Variants in LRIG2 observed in about 807,000 individuals in gnomAD.
LRIG2 encodes the protein leucine rich repeats and immunoglobulin like domains 2.
LRIG2 carries 93 observed loss-of-function variants against 107.8 expected under a neutral mutation model. That is an observed-to-expected ratio of 0.86 (90% CI 0.73 to 1.03). The LOEUF is 1.03. Ranked by LOEUF, LRIG2 falls within the 50% of genes least tolerant of loss-of-function variation. The pLI is 0.00. For synonymous variants in LRIG2, 471 were observed against 470.6 expected, an observed-to-expected ratio of 1.00 and a Z score of -0.01; for missense variants, 1,226 against 1,296.0, an observed-to-expected ratio of 0.95 and a Z score of 0.83.
At chr1:113,074,183 TTCA>T (rs1162236737) in intron 1 of LRIG2, among the ~76,000 whole-genome samples, 1 of 152,192 alleles carries the variant, frequency 6.6e-6, no homozygotes, top group Non-Finnish European at 1.5e-5. Flanking sequence ...GGTTGAAAAG[TTCA>T]TTATGATGAA....
intron 4 of LRIG2, 140 bp from the exon 5 acceptor site, chr1:113,094,199 C>A: frequency 1.8e-6 from 1 of 562,716 alleles, no homozygotes; most frequent in Non-Finnish European, 3.1e-6. Context: ...AGAAACAGAG[C>A]AGTTAAATGA....
rs1201079822 is a variant in LRIG2, at chr1:113,095,997, C to T, written c.927C>T (p.Phe309=). The change falls in exon 7 of 18, where the codon TTC becomes TTT. Residue 309 remains phenylalanine, a synonymous_variant. Transcript: ENST00000361127. The part of the protein sequence containing the change: ...IERISPDAWE[F]CQRLSELDLS... ...GAATCAGCCCTGATGCATGGGAGTTCTGCCAAAGACTATCCGAACTGTAAG... is the reference window on the plus strand; with the variant it reads ...GAATCAGCCCTGATGCATGGGAGTTTTGCCAAAGACTATCCGAACTGTAAG... The T allele has an allele frequency of 1.2e-6, 2 of 1,614,200 alleles. No homozygotes were observed. The highest frequency in any genetic ancestry group is 2.2e-5 in the South Asian group (2 of 91,080).
chr1:113,093,423 T>C lies in LRIG2; in HGVS notation c.381-7T>C. On this transcript the variant is annotated splice_polypyrimidine_tract_variant and splice_region_variant and intron_variant, in intron 3 of 17. Coordinates refer to ENST00000361127, the MANE Select transcript of LRIG2 (RefSeq NM_014813.3). ...GCAGCAGCTTCATTATAATCTTTGTTTTACAGAGTCCATAATATAATCCCA... is the reference window on the plus strand; with the variant it reads ...GCAGCAGCTTCATTATAATCTTTGTCTTACAGAGTCCATAATATAATCCCA... The C allele has an allele frequency of 1.2e-6, 2 of 1,613,620 alleles. No individual in the cohort carries two copies. The highest frequency in any genetic ancestry group is 1.7e-6 in the Non-Finnish European group (2 of 1,179,804).
intron 1 of LRIG2, among the ~76,000 whole-genome samples, chr1:113,085,985 A>G (rs1005191595): frequency 1.3e-5 from 2 of 149,444 alleles, no homozygotes; most frequent in Non-Finnish European, 3.0e-5. Flanking sequence ...AATTGATTAT[A>G]ATGGTAACCC....
At chr1:113,113,064 G>GT (rs1377178014) in intron 14 of LRIG2, among the ~76,000 whole-genome samples, 7 of 152,008 alleles carry the variant, frequency 4.6e-5, no homozygotes, top group African/African-American at 1.7e-4. Flanking sequence ...ATGTAGGTGT[G>GT]TTTACTATTC....
Position 113,094,714 on chromosome 1 carries a change from T to G in LRIG2, c.762T>G (p.Leu254=), listed in dbSNP as rs763618776. 3.1e-6 allele frequency: 5 copies of G among 1,613,888 alleles called. No homozygotes were observed. In the East Asian group the frequency reaches 1.1e-4, roughly 36 times the overall value. ...LKMQRNGISK[L]KDGAFFGLNN... ...TGCAGCGGAATGGAATTAGCAAACT[T>G]AAGGATGGAGCATTTTTTGGCTTGA... Residue 254 remains leucine, a synonymous_variant, in exon 6 of 18, where the codon CTT becomes CTG. Transcript: ENST00000361127.
At chr1:113,088,546 G>C (rs1653657028) in intron 1 of LRIG2, among the ~76,000 whole-genome samples, 1 of 152,144 alleles carries the variant, frequency 6.6e-6, no homozygotes, top group South Asian at 2.1e-4. Flanking sequence ...GGAAGATTTA[G>C]GGTTGGGAAA....
In LRIG2 at chr1:113,119,523, G is replaced by A; in HGVS notation, c.2971G>A (p.Glu991Lys). 6.2e-7 allele frequency: 1 copy of A among 1,611,556 alleles called. No homozygotes were observed. The highest frequency in any genetic ancestry group is 8.5e-7 in the Non-Finnish European group (1 of 1,178,890). The change falls in exon 17 of 18, where the codon GAA (glutamate) becomes AAA (lysine). Residue 991 changes from glutamate to lysine, a missense_variant and splice_region_variant. By Grantham distance (56) the Glu-to-Lys change is moderately conservative. Coordinates refer to ENST00000361127, the MANE Select transcript of LRIG2 (RefSeq NM_014813.3). Reference protein sequence around the residue: ...KKLPSTQMSGETLQRPVWNIN... With the variant: ...KKLPSTQMSGKTLQRPVWNIN... ...ACTTCCCTCCACACAGATGAGCGGT[G>A]GTAAGGGATGTATTTTTGTTGTTAT... is the stretch of plus-strand genomic sequence containing the variant.
rs554385336 is a variant in LRIG2, at chr1:113,093,664, C to T, written c.515+100C>T. 172 of 673,744 alleles carry T rather than the reference C, an allele frequency of 2.6e-4. No individual in the cohort carries two copies. In the African/African-American group the frequency reaches 2.8e-3, roughly 11 times the overall value. The allele number at this position is 673,744 out of a possible 1,614,324, so 41.7% of individuals were successfully genotyped here. A position where few individuals can be genotyped will look rare whatever the true frequency, so the allele number is the denominator to read the frequency against. ...GGCAGGGATAGCACTGGGAGATATA[C>T]CTAATGCTAGATGACGAGTTAGTGG... On this transcript the variant is annotated intron_variant, in intron 4 of 17. Coordinates refer to ENST00000361127, the MANE Select transcript of LRIG2 (RefSeq NM_014813.3).
Position 113,093,603 on chromosome 1 carries a change from C to T in LRIG2, c.515+39C>T, listed in dbSNP as rs370015127. ...ATTAAATTAGATTTACTTTAAAGCA[C>T]ATGTTTATGGGGACTGTTGTGGGGT... On this transcript the variant is annotated intron_variant, in intron 4 of 17. Transcript: ENST00000361127. 4 of 1,225,864 alleles carry T rather than the reference C, an allele frequency of 3.3e-6. No individual in the cohort carries two copies. The African/African-American group carries it at 7.2e-5, about 22-fold the overall frequency. 75.9% of individuals were successfully genotyped at this position (1,225,864 alleles called of 1,614,324 possible).
At chr1:113,090,999 G>T (rs146568293) in intron 1 of LRIG2, among the ~76,000 whole-genome samples, 2 of 151,682 alleles carry the variant, frequency 1.3e-5, no homozygotes, top group Non-Finnish European at 2.9e-5. Context: ...TTACAGGCGT[G>T]TGCCACCACA....
At chr1:113,113,632 G>A (rs766735395) in intron 14 of LRIG2, among the ~76,000 whole-genome samples, 4 of 151,180 alleles carry the variant, frequency 2.6e-5, no homozygotes, top group Non-Finnish European at 5.9e-5. Flanking sequence ...GCGCAATCTC[G>A]GCTCAGAGCA....
In LRIG2 at chr1:113,095,884, CACA is replaced by C; in HGVS notation, c.820_822del (p.Asn274del). The C allele has an allele frequency of 2.5e-6, 4 of 1,614,196 alleles. No individual in the cohort carries two copies. Among genetic ancestry groups the C allele is most frequent in the Non-Finnish European group, 2.5e-6 (3 of 1,180,038 alleles). On this transcript the variant is annotated inframe_deletion, in exon 7 of 18. Coordinates refer to ENST00000361127, the MANE Select transcript of LRIG2 (RefSeq NM_014813.3). The stretch of plus-strand genomic sequence containing the variant: ...TCTCTAATTCTGCAGAGAACTGGAA[CACA>C]ACAACCTTACACGAGTAAACAAGGG...
intron 14 of LRIG2, among the ~76,000 whole-genome samples, chr1:113,113,666 G>GATTC (rs551996891): frequency 3.8e-3 from 583 of 151,834 alleles, no homozygotes; most frequent in Non-Finnish European, 6.7e-3. Flanking sequence ...GGGTTCAAGT[G>GATTC]ATTCTCCTGC....
chr1:113,091,640 G>A (rs932813989), intron 2 of LRIG2, among the ~76,000 whole-genome samples: 4 of 152,162 alleles, frequency 2.6e-5, no homozygotes, highest in Admixed American at 6.5e-5. Flanking sequence ...TAAGATTTAC[G>A]CCTCTTCAGA....
At chr1:113,119,106 C>T in intron 16 of LRIG2, 127 bp from the exon 17 acceptor site, 1 of 808,092 alleles carries the variant, frequency 1.2e-6, no homozygotes, top group South Asian at 1.8e-5. Flanking sequence ...TGAAACTTCA[C>T]CTACTTTATA....
At chr1:113,100,591 G>C (rs1457033015) in intron 11 of LRIG2, 103 bp downstream of exon 11, 2 of 637,610 alleles carry the variant, frequency 3.1e-6, no homozygotes, top group Non-Finnish European at 5.6e-6. Context: ...AAAGCACACA[G>C]TTCAGGCAGG....
intron 17 of LRIG2, among the ~76,000 whole-genome samples, chr1:113,121,291 T>G (rs1655243485): frequency 6.6e-6 from 1 of 152,226 alleles, no homozygotes; most frequent in African/African-American, 2.4e-5. Context: ...ATACATTATA[T>G]TGTATAGATT....
rs1655698322 is a variant in LRIG2, at chr1:113,131,414, T to C, written c.*7313T>C. Reference sequence around the variant, plus strand: ...AAAGGAATAACAGAGGTAAATTTGCTGTCATTTTATGCCACATCCTCTTTT... The same window carrying C: ...AAAGGAATAACAGAGGTAAATTTGCCGTCATTTTATGCCACATCCTCTTTT... On this transcript the variant is annotated 3_prime_UTR_variant, in exon 18 of 18. Coordinates refer to ENST00000361127, the MANE Select transcript of LRIG2 (RefSeq NM_014813.3). 6.6e-6 allele frequency: 1 copy of C among 152,238 alleles called. No homozygotes were observed. The highest frequency in any genetic ancestry group is 1.5e-5 in the Non-Finnish European group (1 of 68,040). 9.4% of individuals were successfully genotyped at this position (152,238 alleles called of 1,614,324 possible).
Sources: gnomAD v4.1 joint callset for allele counts (sites outside exome capture counted in the v4.1 genomes callset) on GRCh38, gnomAD v4.1.1 for gene constraint, MANE v1.5 for transcripts, NCBI Gene and HGNC (gene_info 2026-07-23, HGNC 2026-07-21) for gene names.